POLR3B: variants seen among roughly 807,000 people sequenced by gnomAD.
POLR3B encodes DNA-directed RNA polymerase III subunit RPC2.
A neutral mutation model predicts 147.4 loss-of-function variants in POLR3B; 96 were observed. The observed-to-expected ratio is 0.65, with a 90% CI of 0.55 to 0.77. POLR3B has a LOEUF of 0.77. POLR3B is among the 30% of genes least tolerant of loss of function. The probability of loss-of-function intolerance (pLI) is 0.00; values close to 1 mark genes in which losing one functional copy is unlikely to be tolerated. For synonymous variants in POLR3B, 461 were observed against 485.9 expected, an observed-to-expected ratio of 0.95 and a Z score of 0.67; for missense variants, 1,036 against 1,413.5, an observed-to-expected ratio of 0.73 and a Z score of 4.28.
chr12:106,502,353 G>A (rs190105982), intron 26 of POLR3B, among the ~76,000 whole-genome samples: 87 of 152,242 alleles, frequency 5.7e-4, no homozygotes, highest in African/African-American at 1.8e-3. Context: ...TTTTCATTCC[G>A]TCACAAGCCT....
chr12:106,501,290 T>G, intron 25 of POLR3B, 33 bp from the exon 26 acceptor site: 1 of 1,428,216 alleles, frequency 7.0e-7, no homozygotes. Context: ...CAAACTTAGT[T>G]TCTTAACCCA....
chr12:106,413,984 T>C (rs1489947232), intron 12 of POLR3B, among the ~76,000 whole-genome samples: 1 of 152,022 alleles, frequency 6.6e-6, no homozygotes, highest in Admixed American at 6.6e-5. Context: ...GTTAGAAGAA[T>C]GATTTTGTGG....
At chr12:106,495,560 G>C (rs2038466099) in intron 23 of POLR3B, among the ~76,000 whole-genome samples, 1 of 152,160 alleles carries the variant, frequency 6.6e-6, no homozygotes, top group African/African-American at 2.4e-5. Flanking sequence ...GCCACACACA[G>C]GTACTTCTTG....
At chr12:106,375,471 T>A (rs2036665382) in intron 6 of POLR3B, among the ~76,000 whole-genome samples, 1 of 152,212 alleles carries the variant, frequency 6.6e-6, no homozygotes, top group Admixed American at 6.5e-5. Flanking sequence ...AGTCGCTCTC[T>A]CTCTATCCTT....
intron 23 of POLR3B, 34 bp downstream of exon 23, chr12:106,463,654 A>G (rs1412209873): frequency 1.9e-6 from 3 of 1,572,700 alleles, no homozygotes; most frequent in Non-Finnish European, 2.6e-6. Flanking sequence ...TGATTATAAA[A>G]CAATATATGA....
At chr12:106,393,795 CA>C (rs2036946771) in intron 10 of POLR3B, among the ~76,000 whole-genome samples, 4 of 151,740 alleles carry the variant, frequency 2.6e-5, no homozygotes, top group African/African-American at 9.7e-5. Context: ...CACACACACA[CA>C]CACACACACC....
chr12:106,401,493 G>C (rs1044252604), intron 10 of POLR3B, among the ~76,000 whole-genome samples: 10 of 152,188 alleles, frequency 6.6e-5, no homozygotes, highest in African/African-American at 2.2e-4. Context: ...ACCAAAGCCT[G>C]GCAGAGCCAA....
In POLR3B at chr12:106,386,737, C is replaced by T. The variant is rs535053154; in HGVS notation, c.724-6294C>T. Among the ~76,000 whole-genome samples, 54 of 152,054 alleles carry T rather than the reference C, an allele frequency of 3.6e-4. 1 individual carries two copies. Among genetic ancestry groups the T allele is most frequent in the African/African-American group, 1.1e-3 (47 of 41,488 alleles). ...CCTGGCTAACACGGTGAAACCCCGT[C>T]TTTACTAAAAATACAAAAAATTAGC... On this transcript the variant is annotated intron_variant, in intron 9 of 27. Transcript: ENST00000228347.
chr12:106,436,800 C>T (rs1283677098), intron 16 of POLR3B, among the ~76,000 whole-genome samples: 1 of 152,122 alleles, frequency 6.6e-6, no homozygotes, highest in African/African-American at 2.4e-5. Context: ...TTGCAGGAAG[C>T]ACTGTGTGTG....
chr12:106,498,904 A>G (rs1475159808), intron 25 of POLR3B, among the ~76,000 whole-genome samples: 3 of 152,326 alleles, frequency 2.0e-5, no homozygotes, highest in Middle Eastern at 3.4e-3. Flanking sequence ...CCACTTGAAC[A>G]CTAGTGAAAC....
chr12:106,359,738 A>G (rs1478803064), intron 1 of POLR3B, among the ~76,000 whole-genome samples: 1 of 152,190 alleles, frequency 6.6e-6, no homozygotes, highest in Non-Finnish European at 1.5e-5. Flanking sequence ...ATGTTATTTA[A>G]TCCTCTGAAA....
chr12:106,476,783 A>C (rs1277370240), intron 23 of POLR3B, among the ~76,000 whole-genome samples: 20 of 152,096 alleles, frequency 1.3e-4, no homozygotes, highest in Non-Finnish European at 2.9e-5. Context: ...TTTTTTTCAA[A>C]GTTTTCAACT....
In POLR3B at chr12:106,501,310, A is replaced by G. The variant is rs1387990413; in HGVS notation, c.2985-13A>G. The G allele has an allele frequency of 1.9e-6, 3 of 1,546,878 alleles. No individual in the cohort carries two copies. Among genetic ancestry groups the G allele is most frequent in the Non-Finnish European group, 2.7e-6 (3 of 1,118,660 alleles). On this transcript the variant is annotated splice_polypyrimidine_tract_variant and intron_variant, in intron 25 of 27. Transcript: ENST00000228347. Reference sequence around the variant, plus strand: ...TTAGTTTCTTAACCCACAACAATTGATCTTTCTTTCAGTGAGCCCTTAGAA... The same window carrying G: ...TTAGTTTCTTAACCCACAACAATTGGTCTTTCTTTCAGTGAGCCCTTAGAA...
chr12:106,432,915 C>G (rs559552176), intron 15 of POLR3B, among the ~76,000 whole-genome samples: 9 of 152,304 alleles, frequency 5.9e-5, no homozygotes, highest in Admixed American at 1.3e-4. Flanking sequence ...CTTTGGCTCA[C>G]ACTCCAGTTA....
rs2037144341 is a variant in POLR3B at position 106,405,869 on chromosome 12, A to G, written c.859A>G (p.Ile287Val). The G allele has an allele frequency of 6.2e-7, 1 of 1,613,186 alleles. No homozygotes were observed. Among genetic ancestry groups the G allele is most frequent in the Non-Finnish European group, 8.5e-7 (1 of 1,179,212 alleles). ...IFTQMQALKYIGNKVRRQRMW... is the reference protein window; with the variant it reads ...IFTQMQALKYVGNKVRRQRMW... ...CTGTTTTTTATAGGCATTAAAATAT[A>G]TAGGGAACAAAGTAAGAAGGCAAAG... is the stretch of plus-strand genomic sequence containing the variant. The change falls in exon 11 of 28, where the codon ATA (isoleucine) becomes GTA (valine). Residue 287 changes from isoleucine to valine, a missense_variant. Ile to Val is a conservative substitution (Grantham distance 29). Around this residue, in one of 12 missense-constraint regions of POLR3B, gnomAD observed 217 missense variants for 288.7 expected, o/e 0.75. Transcript: ENST00000228347.
chr12:106,431,287 T>G (rs1243346634), intron 14 of POLR3B, among the ~76,000 whole-genome samples: 1 of 152,204 alleles, frequency 6.6e-6, no homozygotes, highest in Non-Finnish European at 1.5e-5. Flanking sequence ...ATATGGAAAT[T>G]GACACTAAAA....
intron 23 of POLR3B, among the ~76,000 whole-genome samples, chr12:106,487,876 A>G (rs760105664): frequency 1.3e-5 from 2 of 152,228 alleles, no homozygotes; most frequent in Non-Finnish European, 2.9e-5. Context: ...AAGCGAGTCA[A>G]TACTGAGTAG....
At chr12:106,373,899 G>A (rs2036642694) in intron 6 of POLR3B, among the ~76,000 whole-genome samples, 1 of 151,986 alleles carries the variant, frequency 6.6e-6, no homozygotes. Context: ...ATATATTGGA[G>A]TGTATATCTG....
intron 21 of POLR3B, among the ~76,000 whole-genome samples, chr12:106,458,023 G>A (rs1204257673): frequency 6.6e-6 from 1 of 152,234 alleles, no homozygotes; most frequent in Non-Finnish European, 1.5e-5. Flanking sequence ...AGAAGAGAGT[G>A]CAGGGAAGCA....
Sources: allele counts gnomAD v4.1 joint callset (sites outside exome capture counted in the v4.1 genomes callset), GRCh38; gene constraint gnomAD v4.1.1; regional missense constraint gnomAD v4.1.1; transcripts MANE v1.5; gene names NCBI Gene and HGNC (gene_info 2026-07-23, HGNC 2026-07-21).